PLCD1: variants seen among roughly 807,000 people sequenced by gnomAD.
PLCD1 encodes the protein phospholipase C delta 1, also known as 1-phosphatidylinositol 4,5-bisphosphate phosphodiesterase delta-1.
Under a neutral mutation model 87.4 loss-of-function variants are expected in PLCD1, and 71 were observed. That is an observed-to-expected ratio of 0.81 (90% CI 0.67 to 0.99). The LOEUF (loss-of-function observed/expected upper bound fraction) is 0.99, where lower values mean the gene tolerates loss of function less well. Ranked by LOEUF, PLCD1 falls within the 50% of genes least tolerant of loss-of-function variation. The probability of loss-of-function intolerance (pLI) is 0.00; values close to 1 mark genes in which losing one functional copy is unlikely to be tolerated. For missense variants in PLCD1, 867 were observed against 1,001.5 expected (o/e 0.87, Z 1.81); for synonymous variants, 348 against 399.2 (o/e 0.87, Z 1.53).
intron 11 of PLCD1, 185 bp downstream of exon 11, chr3:38,008,857 T>A (rs1487530956): frequency 1.5e-6 from 1 of 660,258 alleles, no homozygotes; most frequent in African/African-American, 1.8e-5. Context: ...GCTAATGAGG[T>A]TTCAGACACT....
chr3:38,012,340 C>T (rs1386824932), intron 3 of PLCD1, among the ~76,000 whole-genome samples: 1 of 151,754 alleles, frequency 6.6e-6, no homozygotes, highest in Non-Finnish European at 1.5e-5. Flanking sequence ...AATAAATATC[C>T]AACACTAAAG....
chr3:38,024,507 A>G (rs2125551586), intron 1 of PLCD1: 11 of 1,544,376 alleles, frequency 7.1e-6, no homozygotes, highest in South Asian at 3.5e-5. Context: ...TATGCTCACA[A>G]CACCCTCTGC....
intron 3 of PLCD1, among the ~76,000 whole-genome samples, chr3:38,014,189 G>C (rs1700122692): frequency 6.6e-6 from 1 of 152,050 alleles, no homozygotes; most frequent in African/African-American, 2.4e-5. Flanking sequence ...TCAAAATCTT[G>C]CTGGCTTCTT....
chr3:38,014,490 T>C lies in PLCD1; in HGVS notation c.428+2001A>G, dbSNP rs367926287. On this transcript the variant is annotated intron_variant, in intron 3 of 14. Coordinates refer to ENST00000334661, the MANE Select transcript of PLCD1 (RefSeq NM_006225.4). ...TTCGTGAATATGATGCCAAAAAAAA[T>C]AAACAACAAAAGAAATAAAGTATAT... 1.7e-3 allele frequency: 254 copies of C among 153,728 alleles called. 1 individual carries two copies. The highest frequency in any genetic ancestry group is 2.6e-3 in the Non-Finnish European group (178 of 68,002). The allele number at this position is 153,728 out of a possible 1,614,324, so 9.5% of individuals were successfully genotyped here. A position where few individuals can be genotyped will look rare whatever the true frequency, so the allele number is the denominator to read the frequency against.
rs756998737 is a variant in PLCD1 at position 38,008,496 on chromosome 3, G to A, written c.1864C>T (p.Gln622Ter). The A allele has an allele frequency of 6.2e-6, 10 of 1,614,042 alleles. No individual in the cohort carries two copies. The highest frequency in any genetic ancestry group is 5.0e-5 in the Admixed American group (3 of 60,014). Residue 622 changes from glutamine to a stop codon, truncating the protein, a stop_gained, in exon 12 of 15, where the codon CAG becomes TAG. Transcript: ENST00000334661. LOFTEE classifies it high-confidence loss of function. ...NGTFNPRALA[Q>*]GPWWARKRLN... is the part of the protein sequence containing the mutation. Reference sequence around the variant, plus strand: ...CGCTTCCGTGCCCACCAGGGCCCCTGAGCCAGGGCGCGGGGGTTAAAGGTG... The same window carrying A: ...CGCTTCCGTGCCCACCAGGGCCCCTAAGCCAGGGCGCGGGGGTTAAAGGTG...
rs746438526 is a variant in PLCD1 at position 38,008,326 on chromosome 3, C to A, written c.1944G>T (p.Lys648Asn). 3.7e-6 allele frequency: 6 copies of A among 1,614,200 alleles called. No homozygotes were observed. The highest frequency in any genetic ancestry group is 5.1e-6 in the Non-Finnish European group (6 of 1,180,042). Residue 648 changes from lysine to asparagine, a missense_variant, in exon 13 of 15, where the codon AAG (lysine) becomes AAT (asparagine). Lys to Asn is a moderately conservative substitution (Grantham distance 94). Transcript: ENST00000334661. ...TCACTTTGGGGTCCACAATTGAATT[C>A]TTATTCTTGTTGACTTTTGGCAGCT... ...GQQLPKVNKN[K>N]NSIVDPKVTV...
Position 38,009,041 on chromosome 3 carries a change from C to G in PLCD1, c.1723+1G>C. On this transcript the variant is annotated splice_donor_variant, in intron 11 of 14. Transcript: ENST00000334661. LOFTEE classifies it high-confidence loss of function. The stretch of plus-strand genomic sequence containing the variant: ...CTCCTCCAGCCCCAGCCAGCCCATA[C>G]CGATCTGGCAGCCCCCATTCCACAT... 1 of 1,608,196 alleles carries G rather than the reference C, an allele frequency of 6.2e-7. No homozygotes were observed. The highest frequency in any genetic ancestry group is 8.5e-7 in the Non-Finnish European group (1 of 1,175,792).
At position 38,010,618 on chromosome 3, in the gene PLCD1, C is replaced by A. The variant is rs983762226; in HGVS notation, c.791-56G>T. 1.8e-5 allele frequency: 26 copies of A among 1,464,506 alleles called. No homozygotes were observed. The African/African-American group carries it at 3.5e-4, about 20-fold the overall frequency. The allele number at this position is 1,464,506 out of a possible 1,614,324, so 90.7% of individuals were successfully genotyped here. A position where few individuals can be genotyped will look rare whatever the true frequency, so the allele number is the denominator to read the frequency against. ...GCCAGCCTCCAGCAGGCGCTCCTGG[C>A]TGCCCACCCATCTGGACAGAGGAGC... On this transcript the variant is annotated intron_variant, in intron 5 of 14. Transcript: ENST00000334661.
At chr3:38,009,862 C>G (rs1026284660) in intron 8 of PLCD1, 42 bp downstream of exon 8, 2 of 1,601,866 alleles carry the variant, frequency 1.2e-6, no homozygotes, top group Admixed American at 1.7e-5. Flanking sequence ...CCCGGCTAGG[C>G]TCCCCACCCT....
rs1699979717 is a variant in PLCD1 at position 38,007,626 on chromosome 3, G to A, written c.*147C>T. 2 of 717,240 alleles carry A rather than the reference G, an allele frequency of 2.8e-6. No homozygotes were observed. The highest frequency in any genetic ancestry group is 5.1e-6 in the Non-Finnish European group (2 of 394,488). 44.4% of individuals were successfully genotyped at this position (717,240 alleles called of 1,614,324 possible). On this transcript the variant is annotated 3_prime_UTR_variant, in exon 15 of 15. Coordinates refer to ENST00000334661, the MANE Select transcript of PLCD1 (RefSeq NM_006225.4). ...TGGGCTAGCTCCTGGTCCCCAGGGA[G>A]GCAGCAGCAGACACTATGTTAGGGC... is the stretch of plus-strand genomic sequence containing the variant.
Position 38,009,093 on chromosome 3 carries a change from C to G in PLCD1, c.1672G>C (p.Asp558His). Residue 558 changes from aspartate (D) to histidine (H), a missense_variant, in exon 11 of 15, where the codon GAC (aspartate) becomes CAC (histidine). Transcript: ENST00000334661. ...SRIYPAGWRTDSSNYSPVEMW... is the reference protein window; with the variant it reads ...SRIYPAGWRTHSSNYSPVEMW... ...TCCACGGGGCTGTAGTTGGAGGAGT[C>G]TGTTCTCCATCCAGCCGGGTAGATT... The G allele has an allele frequency of 6.2e-7, 1 of 1,613,974 alleles. No homozygotes were observed. The highest frequency in any genetic ancestry group is 8.5e-7 in the Non-Finnish European group (1 of 1,180,000).
At chr3:38,027,242 GC>G (rs1304291591) in intron 1 of PLCD1, among the ~76,000 whole-genome samples, 2 of 152,114 alleles carry the variant, frequency 1.3e-5, no homozygotes, top group African/African-American at 4.8e-5. Flanking sequence ...ACCTTATGAT[GC>G]CCCCATCATC....
At position 38,010,070 on chromosome 3, in the gene PLCD1, A is replaced by C. The variant is rs71323649; in HGVS notation, c.1138-17T>G. The C allele has an allele frequency of 1.2e-6, 2 of 1,614,078 alleles. No individual in the cohort carries two copies. The highest frequency in any genetic ancestry group is 1.7e-6 in the Non-Finnish European group (2 of 1,180,006). On this transcript the variant is annotated splice_polypyrimidine_tract_variant and intron_variant, in intron 7 of 14. Coordinates refer to ENST00000334661, the MANE Select transcript of PLCD1 (RefSeq NM_006225.4). ...GGGGGACGCCTGGAGGCCCAAGGGC[A>C]CATTAGGAGTGGTGGGCCACCCCTA...
At position 38,008,006 on chromosome 3, in the gene PLCD1, A is replaced by G; in HGVS notation, c.2185+8T>C. The G allele has an allele frequency of 6.2e-7, 1 of 1,614,092 alleles. No homozygotes were observed. Among genetic ancestry groups the G allele is most frequent in the Non-Finnish European group, 8.5e-7 (1 of 1,179,998 alleles). ...CCACCTTGGCCATCCCCTTCTCTTG[A>G]CACTCACCTTGCTTGAGGCTGTTCA... On this transcript the variant is annotated splice_region_variant and intron_variant, in intron 14 of 14. Coordinates refer to ENST00000334661, the MANE Select transcript of PLCD1 (RefSeq NM_006225.4).
At chr3:38,014,648 T>G (rs536444758) in intron 3 of PLCD1, 2 of 153,546 alleles carry the variant, frequency 1.3e-5, no homozygotes, top group Non-Finnish European at 2.9e-5. Flanking sequence ...CCACTCTCAC[T>G]GTTTCACTTT....
Position 38,013,465 on chromosome 3 carries a change from G to A in PLCD1, c.429-1792C>T, listed in dbSNP as rs183704311. ...CCTGACCTGGTGATCCACCTGCCTC[G>A]GCCTCCCAAAGTGCTGGGATTACAG... On this transcript the variant is annotated intron_variant, in intron 3 of 14. Transcript: ENST00000334661. Among the ~76,000 whole-genome samples the A allele has an allele frequency of 5.2e-3, 791 of 151,762 alleles. 2 individuals carry two copies. The highest frequency in any genetic ancestry group is 0.014 in the African/African-American group (595 of 41,380).
At chr3:38,014,084 A>G (rs2125546521) in intron 3 of PLCD1, among the ~76,000 whole-genome samples, 1 of 152,354 alleles carries the variant, frequency 6.6e-6, no homozygotes, top group African/African-American at 2.4e-5. Context: ...GACATAAATA[A>G]ATGGAAAGAA....
Position 38,017,562 on chromosome 3 carries a change from C to T in PLCD1, c.200-843G>A, listed in dbSNP as rs539794786. On this transcript the variant is annotated intron_variant, in intron 2 of 14. Transcript: ENST00000334661. The surrounding 1 kb of genome is among the most constrained non-coding windows in gnomAD (Gnocchi z 4.7). ...TCAGGGAGATGCCAGGCCCTGTCTA[C>T]CCCCGCTTCCAATGTGCCCTCCATG... 2.0e-5 allele frequency among the ~76,000 whole-genome samples: 3 copies of T among 152,258 alleles called. No homozygotes were observed. In the South Asian group the frequency reaches 6.2e-4, roughly 32 times the overall value.
intron 1 of PLCD1, among the ~76,000 whole-genome samples, chr3:38,025,000 C>A (rs1700292528): frequency 6.6e-6 from 1 of 152,136 alleles, no homozygotes. Flanking sequence ...AAATCTGTGT[C>A]GAAGCCTGGG....
Sources: gnomAD v4.1 joint callset for allele counts (sites outside exome capture counted in the v4.1 genomes callset) on GRCh38, gnomAD v4.1.1 for gene constraint, Gnocchi (gnomAD v3.1) non-coding constraint, MANE v1.5 for transcripts, NCBI Gene and HGNC (gene_info 2026-07-23, HGNC 2026-07-21) for gene names.